NTRK3: variants seen among roughly 807,000 people sequenced by gnomAD.
The protein encoded by NTRK3 is NT-3 growth factor receptor.
In NTRK3, 24 loss-of-function variants were observed where a neutral mutation model predicts 91.7. That is an observed-to-expected ratio of 0.26 (90% CI 0.19 to 0.37). NTRK3 has a LOEUF of 0.37. NTRK3 is among the 10% of genes least tolerant of loss of function. The pLI, the probability that NTRK3 is intolerant of heterozygous loss-of-function variation, is 1.00. For synonymous variants in NTRK3, 483 were observed against 404.0 expected, an observed-to-expected ratio of 1.20 and a Z score of -2.34; for missense variants, 880 against 1,068.9, an observed-to-expected ratio of 0.82 and a Z score of 2.46.
chr15:87,918,051 C>T (rs1319632952), intron 17 of NTRK3, among the ~76,000 whole-genome samples: 15 of 151,896 alleles, frequency 9.9e-5, no homozygotes, highest in Admixed American at 9.8e-4. Context: ...CCCTTACAAA[C>T]TGCAAGTGGC....
chr15:88,096,535 C>G (rs1224607095), intron 13 of NTRK3, among the ~76,000 whole-genome samples: 1 of 152,188 alleles, frequency 6.6e-6, no homozygotes, highest in East Asian at 1.9e-4. Context: ...CCAAACTACA[C>G]CCACCTCAAG....
chr15:88,015,139 G>A (rs781158325), intron 14 of NTRK3, among the ~76,000 whole-genome samples: 4 of 152,186 alleles, frequency 2.6e-5, no homozygotes, highest in Non-Finnish European at 4.4e-5. Flanking sequence ...TAAATTCAGA[G>A]AGAATAACTT....
exon 17 of NTRK3, chr15:87,929,375 T>A (rs2141914836): frequency 6.2e-7 from 1 of 1,614,096 alleles, no homozygotes; most frequent in South Asian, 1.1e-5. Context: ...GAGCCCCAGC[T>A]CACCCTTGGC....
intron 5 of NTRK3, 82 bp downstream of exon 5, chr15:88,183,336 G>T: frequency 1.4e-6 from 2 of 1,449,566 alleles, no homozygotes; most frequent in Non-Finnish European, 1.9e-6. Flanking sequence ...AAAAAGCCAG[G>T]TCTAGACCTC....
At chr15:87,984,325 T>G (rs1307448996) in intron 14 of NTRK3, among the ~76,000 whole-genome samples, 1 of 152,266 alleles carries the variant, frequency 6.6e-6, no homozygotes, top group Admixed American at 6.5e-5. Flanking sequence ...TTGCTTCTTT[T>G]CTTGCCTGTA....
intron 14 of NTRK3, among the ~76,000 whole-genome samples, chr15:88,020,029 C>T (rs1224673609): frequency 6.6e-6 from 1 of 152,168 alleles, no homozygotes; most frequent in Non-Finnish European, 1.5e-5. Flanking sequence ...TAAGGACAAG[C>T]AAAAACGAAG....
intron 3 of NTRK3, among the ~76,000 whole-genome samples, chr15:88,218,882 C>G (rs1010212058): frequency 6.6e-6 from 1 of 152,224 alleles, no homozygotes; most frequent in African/African-American, 2.4e-5. Flanking sequence ...TCCAAATCCA[C>G]CTGTTTGTAA....
exon 19 of NTRK3, chr15:87,876,890 G>A (rs748100792): frequency 5.0e-6 from 8 of 1,601,500 alleles, no homozygotes; most frequent in Non-Finnish European, 6.8e-6. Context: ...GTGAGGCAGG[G>A]AGAGAGGAGG....
intron 13 of NTRK3, among the ~76,000 whole-genome samples, chr15:88,088,782 G>A (rs1292364797): frequency 1.3e-5 from 2 of 152,132 alleles, no homozygotes; most frequent in African/African-American, 4.8e-5. Context: ...TATCTTGGAA[G>A]GCCCTATAGC....
intron 14 of NTRK3, among the ~76,000 whole-genome samples, chr15:88,005,336 C>G (rs963763308): frequency 6.6e-6 from 1 of 152,100 alleles, no homozygotes; most frequent in Non-Finnish European, 1.5e-5. Context: ...ATATCACCAC[C>G]TAGGATGCCT....
intron 17 of NTRK3, among the ~76,000 whole-genome samples, chr15:87,880,842 A>C (rs1467590159): frequency 2.0e-5 from 3 of 152,264 alleles, no homozygotes; most frequent in African/African-American, 7.2e-5. Context: ...GCAGTGGCAC[A>C]GTATATTCCA....
chr15:88,180,214 C>T (rs1396561730), intron 5 of NTRK3, among the ~76,000 whole-genome samples: 1 of 152,188 alleles, frequency 6.6e-6, no homozygotes, highest in Non-Finnish European at 1.5e-5. Context: ...TGGCATACAG[C>T]TATTGCAATT....
At chr15:87,994,325 G>C (rs970190450) in intron 14 of NTRK3, among the ~76,000 whole-genome samples, 1 of 152,194 alleles carries the variant, frequency 6.6e-6, no homozygotes, top group Non-Finnish European at 1.5e-5. Context: ...AGATGTTCAA[G>C]TTAAGATGAA....
chr15:88,013,499 C>T (rs765617390), intron 14 of NTRK3, among the ~76,000 whole-genome samples: 1 of 152,134 alleles, frequency 6.6e-6, no homozygotes, highest in African/African-American at 2.4e-5. Flanking sequence ...AACTGTAAAT[C>T]GTGTGAAGTT....
chr15:87,984,695 T>C (rs559081992), intron 14 of NTRK3, among the ~76,000 whole-genome samples: 1 of 152,368 alleles, frequency 6.6e-6, no homozygotes, highest in Admixed American at 6.5e-5. Flanking sequence ...TGTTGCTTAG[T>C]TGCCAGCATT....
chr15:87,871,063 G>A (rs558947364), exon 19 of NTRK3: 1 of 229,780 alleles, frequency 4.4e-6, no homozygotes, highest in Admixed American at 5.7e-5. Flanking sequence ...TTGGAACTTA[G>A]AAGTAAACTA....
exon 3 of NTRK3, chr15:88,256,076 C>T (rs1349003765): frequency 5.0e-6 from 8 of 1,612,548 alleles, no homozygotes. Flanking sequence ...GCACGGAGCC[C>T]ACATAGTCCA....
chr15:88,045,804 G>A lies in NTRK3; in HGVS notation c.1397-12759C>T, dbSNP rs567150977. Among the ~76,000 whole-genome samples the A allele has an allele frequency of 5.1e-4, 78 of 152,258 alleles. No individual in the cohort carries two copies. The South Asian group carries it at 0.015, about 28-fold the overall frequency. ...CCTCTGTCATCATGTAGCCTTCTCC[G>A]CTCATCGCATGGCATCTTCCTCTTT... is the stretch of plus-strand genomic sequence containing the variant. On this transcript the variant is annotated intron_variant, in intron 13 of 18. Transcript: ENST00000394480.
chr15:87,993,342 G>A (rs1478462766), intron 14 of NTRK3, among the ~76,000 whole-genome samples: 4 of 152,148 alleles, frequency 2.6e-5, no homozygotes, highest in Non-Finnish European at 4.4e-5. Flanking sequence ...CAGATAGCTG[G>A]CTCATTCTAA....
Sources: gnomAD v4.1 joint callset for allele counts (sites outside exome capture counted in the v4.1 genomes callset) on GRCh38, gnomAD v4.1.1 for gene constraint, MANE v1.5 for transcripts, NCBI Gene and HGNC (gene_info 2026-07-23, HGNC 2026-07-21) for gene names.